The following TSPEAR variants were observed in gnomAD, a reference collection of about 807,000 sequenced individuals.
The protein encoded by TSPEAR is thrombospondin-type laminin G domain and EAR repeat-containing protein.
In TSPEAR, 69 loss-of-function variants were observed where a neutral mutation model predicts 71.6. The ratio of observed to expected loss-of-function variants is 0.96; its 90% CI spans 0.79 to 1.18. TSPEAR has a LOEUF of 1.18. Ranked by LOEUF, TSPEAR falls within the 50% of genes most tolerant of loss-of-function variation. The pLI is 0.00. For synonymous variants in TSPEAR, 402 were observed against 387.2 expected (o/e 1.04, Z -0.45); for missense variants, 971 against 894.9 (o/e 1.09, Z -1.09).
In TSPEAR at chr21:44,612,204, C is replaced by G; in HGVS notation, c.83-44199G>C. On this transcript the variant is annotated intron_variant, in intron 1 of 11. Transcript: ENST00000323084. This position sits in a 1 kb window ranked among gnomAD's most constrained non-coding sequence, Gnocchi z 4.1. Reference sequence around the variant, plus strand: ...GTCAGCCGAGTCTCCTCCCCCAGCACCTGCACTGGCTCCTCCTGGCAGGTG... The same window carrying G: ...GTCAGCCGAGTCTCCTCCCCCAGCAGCTGCACTGGCTCCTCCTGGCAGGTG... 2 of 1,614,008 alleles carry G rather than the reference C, an allele frequency of 1.2e-6. No individual in the cohort carries two copies. Among genetic ancestry groups the G allele is most frequent in the Non-Finnish European group, 1.7e-6 (2 of 1,180,006 alleles).
chr21:44,574,859 C>T (rs782032238), intron 1 of TSPEAR: 7 of 1,613,110 alleles, frequency 4.3e-6, no homozygotes, highest in East Asian at 4.5e-5. Flanking sequence ...TCTGCCGCCC[C>T]GTGTGCAGGC....
intron 1 of TSPEAR, chr21:44,627,025 G>T: frequency 7.9e-7 from 1 of 1,271,720 alleles, no homozygotes; most frequent in South Asian, 1.5e-5. Flanking sequence ...AACAAGGAAG[G>T]GGAAGCTGTG....
At chr21:44,505,087 TTTTA>T (rs1340497472) in intron 10 of TSPEAR, among the ~76,000 whole-genome samples, 2 of 152,194 alleles carry the variant, frequency 1.3e-5, no homozygotes, top group African/African-American at 2.4e-5. Context: ...TTTTATTTTA[TTTTA>T]TTTTTGAGAT....
chr21:44,626,728 G>A (rs1284196265), intron 1 of TSPEAR, among the ~76,000 whole-genome samples: 4 of 152,086 alleles, frequency 2.6e-5, no homozygotes, highest in Admixed American at 6.5e-5. Flanking sequence ...CCTAAGGGCC[G>A]GCTTCCTGCA....
chr21:44,555,027 A>G (rs1195465268), intron 2 of TSPEAR, among the ~76,000 whole-genome samples: 1 of 152,236 alleles, frequency 6.6e-6, no homozygotes, highest in Non-Finnish European at 1.5e-5. Flanking sequence ...ATTTATTGGT[A>G]CAATTAAAAA....
chr21:44,523,461 A>T (rs1188505924), intron 8 of TSPEAR, among the ~76,000 whole-genome samples: 2 of 150,398 alleles, frequency 1.3e-5, no homozygotes, highest in Non-Finnish European at 1.5e-5. Flanking sequence ...TTAATAAGGT[A>T]ATCAGTCAGT....
chr21:44,590,844 CG>C (rs1190947356), intron 1 of TSPEAR, among the ~76,000 whole-genome samples: 1 of 151,722 alleles, frequency 6.6e-6, no homozygotes, highest in Non-Finnish European at 1.5e-5. Context: ...TAAGATGGGC[CG>C]GGGGGCCATG....
chr21:44,550,044 G>A (rs587608521), intron 2 of TSPEAR, among the ~76,000 whole-genome samples: 3 of 152,244 alleles, frequency 2.0e-5, no homozygotes, highest in Admixed American at 6.5e-5. Context: ...GCCACCCCCC[G>A]GGACAGCCCC....
intron 1 of TSPEAR, among the ~76,000 whole-genome samples, chr21:44,605,215 A>C (rs1981230744): frequency 6.6e-6 from 1 of 152,276 alleles, no homozygotes; most frequent in Admixed American, 6.5e-5. Context: ...CATTTACAAT[A>C]GCATGTAGAA....
In TSPEAR at chr21:44,580,230, G is replaced by A. The variant is rs781908737; in HGVS notation, c.83-12225C>T. On this transcript the variant is annotated intron_variant, in intron 1 of 11. Transcript: ENST00000323084. ...GAGGAAGAGGCACAGCAAGTTGGCT[G>A]GCAGCTAGACTGCTGGCAGCATGAA... The A allele has an allele frequency of 4.3e-6, 7 of 1,614,062 alleles. No individual in the cohort carries two copies. The South Asian group carries it at 6.6e-5, about 15-fold the overall frequency.
chr21:44,702,680 C>T, intron 1 of TSPEAR: 1 of 1,546,816 alleles, frequency 6.5e-7, no homozygotes, highest in Non-Finnish European at 8.9e-7. Context: ...TGTTGTGCAC[C>T]CGCCTTCTCC....
At chr21:44,548,849 G>A (rs1555918083) in intron 2 of TSPEAR, among the ~76,000 whole-genome samples, 1 of 152,182 alleles carries the variant, frequency 6.6e-6, no homozygotes, top group Non-Finnish European at 1.5e-5. Context: ...CACCAGCAAT[G>A]CCACTTTTAG....
Position 44,697,231 on chromosome 21 carries a change from T to C in TSPEAR, c.82+14202A>G, listed in dbSNP as rs369182494. 3.9e-4 allele frequency: 633 copies of C among 1,613,944 alleles called. 1 individual carries two copies. The African/African-American group carries it at 6.4e-3, about 16-fold the overall frequency. On this transcript the variant is annotated intron_variant, in intron 1 of 11. Coordinates refer to ENST00000323084, the MANE Select transcript of TSPEAR (RefSeq NM_144991.3). The stretch of plus-strand genomic sequence containing the variant: ...CCGTCTGCTCCAGCGACCTGAGCTA[T>C]GGCAGCCGCGTCTGCCTTCCTGGTT...
intron 1 of TSPEAR, among the ~76,000 whole-genome samples, chr21:44,648,961 G>A (rs1293644729): frequency 1.3e-5 from 2 of 152,250 alleles, no homozygotes; most frequent in East Asian, 3.8e-4. Context: ...GGTGCTCACA[G>A]CACAGCGACA....
rs1177888997 is a variant in TSPEAR at position 44,520,816 on chromosome 21, G to A, written c.1566+1067C>T. On this transcript the variant is annotated intron_variant, in intron 9 of 11. Transcript: ENST00000323084. The surrounding 1 kb of genome is among the most constrained non-coding windows in gnomAD (Gnocchi z 4.2). ...TGCCTTCAATCATTTCAGCCATAAA[G>A]CCCCACCCACCACATGCACAGCTTC... 1 of 152,298 alleles carries A rather than the reference G, an allele frequency of 6.6e-6. No individual in the cohort carries two copies. Among genetic ancestry groups the A allele is most frequent in the Non-Finnish European group, 1.5e-5 (1 of 68,096 alleles). 9.4% of individuals were successfully genotyped at this position (152,298 alleles called of 1,614,324 possible).
rs371172658 is a variant in TSPEAR, at chr21:44,527,533, G to A, written c.923-15C>T. The A allele has an allele frequency of 7.4e-6, 12 of 1,611,134 alleles. No individual in the cohort carries two copies. Among genetic ancestry groups the A allele is most frequent in the Non-Finnish European group, 1.0e-5 (12 of 1,177,430 alleles). On this transcript the variant is annotated splice_polypyrimidine_tract_variant and intron_variant, in intron 6 of 11. Transcript: ENST00000323084. Reference sequence around the variant, plus strand: ...TCTTTCTTTGGCTTGTGATAGAAACGTTGTGACTCGGTTAAGATTTCCGAG... The same window carrying A: ...TCTTTCTTTGGCTTGTGATAGAAACATTGTGACTCGGTTAAGATTTCCGAG...
At chr21:44,706,623 G>A (rs1555952438) in intron 1 of TSPEAR, among the ~76,000 whole-genome samples, 1 of 152,198 alleles carries the variant, frequency 6.6e-6, no homozygotes, top group East Asian at 1.9e-4. Context: ...CTTCTCAGAG[G>A]GGGCGGCCGA....
In TSPEAR at chr21:44,666,745, C is replaced by T. The variant is rs200766354; in HGVS notation, c.82+44688G>A. ...AGGCACACGGCTGGCTTGAAGCTCA[C>T]GGGCACACACACGGAGGACTGGCAG... On this transcript the variant is annotated intron_variant, in intron 1 of 11. Transcript: ENST00000323084. The T allele has an allele frequency of 5.0e-5, 80 of 1,613,502 alleles. No individual in the cohort carries two copies. The highest frequency in any genetic ancestry group is 5.7e-5 in the Non-Finnish European group (67 of 1,179,870).
At chr21:44,634,869 G>C (rs1181292202) in intron 1 of TSPEAR, among the ~76,000 whole-genome samples, 2 of 152,162 alleles carry the variant, frequency 1.3e-5, no homozygotes, top group African/African-American at 4.8e-5. Flanking sequence ...TGACAAGGAT[G>C]AAGAGAAACT....
Sources: gnomAD v4.1 joint callset for allele counts (sites outside exome capture counted in the v4.1 genomes callset) on GRCh38, gnomAD v4.1.1 for gene constraint, Gnocchi (gnomAD v3.1) non-coding constraint, MANE v1.5 for transcripts, NCBI Gene and HGNC (gene_info 2026-07-23, HGNC 2026-07-21) for gene names.